The following AURKAIP1 variants were observed in gnomAD, a reference collection of about 807,000 sequenced individuals.
AURKAIP1 encodes small ribosomal subunit protein bS22, mitochondrial.
Under a neutral mutation model 18.4 loss-of-function variants are expected in AURKAIP1, and 20 were observed. The observed-to-expected ratio is 1.09, with a 90% confidence interval of 0.77 to 1.58. AURKAIP1 has a LOEUF of 1.58. AURKAIP1 is among the 40% of genes most tolerant of loss of function. AURKAIP1 has a pLI of 0.00. For synonymous variants in AURKAIP1, 156 were observed against 120.8 expected (o/e 1.29, Z -1.91); for missense variants, 319 against 270.7 (o/e 1.18, Z -1.25).
chr1:1,373,986 A>AGG lies in AURKAIP1; in HGVS notation c.498+12_498+13dup, dbSNP rs558479685. ...GCACTTTGCCCTCCCAGGGCCAAGC[A>AGG]GGGGGCCACTCACCTGCTTGCGTCT... On this transcript the variant is annotated intron_variant, in intron 3 of 3. Coordinates refer to ENST00000338338, the MANE Select transcript of AURKAIP1 (RefSeq NM_017900.3). The AGG allele has an allele frequency of 1.9e-4, 298 of 1,608,656 alleles. 1 individual carries two copies. The African/African-American group carries it at 3.4e-3, about 18-fold the overall frequency.
At position 1,374,350 on chromosome 1, in the gene AURKAIP1, A is replaced by G; in HGVS notation, c.148T>C (p.Ser50Pro). 6.5e-7 allele frequency: 1 copy of G among 1,546,248 alleles called. No homozygotes were observed. The highest frequency in any genetic ancestry group is 1.7e-4 in the Middle Eastern group (1 of 5,758). Residue 50 changes from serine to proline, a missense_variant, in exon 3 of 4, where the codon TCT (serine) becomes CCT (proline). Transcript: ENST00000338338. ...AGCTGGGCCCCCTTGCGAGGGAGAG[A>G]GGCCGCCCTACCTGGGCCGGCCGGC... ...TSPAGPGRAA[S>P]LPRKGAQLEL...
rs369497562 is a variant in AURKAIP1 at position 1,374,231 on chromosome 1, G to A, written c.267C>T (p.Thr89=). 13 of 1,612,464 alleles carry A rather than the reference G, an allele frequency of 8.1e-6. No homozygotes were observed. Among genetic ancestry groups the A allele is most frequent in the East Asian group, 6.7e-5 (3 of 44,890 alleles). Residue 89 remains threonine, a synonymous_variant, in exon 3 of 4, where the codon ACC becomes ACT. Coordinates refer to ENST00000338338, the MANE Select transcript of AURKAIP1 (RefSeq NM_017900.3). Reference sequence around the variant, plus strand: ...GTGGAGCCACAGTCCCTGCGGTCCCGGTATCCAGTCTGGGCAGGAAGCAGC... The same window carrying A: ...GTGGAGCCACAGTCCCTGCGGTCCCAGTATCCAGTCTGGGCAGGAAGCAGC... ...TARCFLPRLD[T]GTAGTVAPPQ... is the part of the protein sequence containing the mutation.
In AURKAIP1 at chr1:1,374,007, C is replaced by T. The variant is rs754648090; in HGVS notation, c.491G>A (p.Arg164His). ...AAGCAGGGGGCCACTCACCTGCTTG[C>T]GTCTCAGGCGTCCCTCCTGGACCTT... is the stretch of plus-strand genomic sequence containing the variant. ...RRKVQEGRLRRKQIKFEKDLR... is the reference protein window; with the variant it reads ...RRKVQEGRLRHKQIKFEKDLR... Residue 164 changes from arginine to histidine, a missense_variant, in exon 3 of 4, where the codon CGC becomes CAC. Coordinates refer to ENST00000338338, the MANE Select transcript of AURKAIP1 (RefSeq NM_017900.3). The T allele has an allele frequency of 3.1e-6, 5 of 1,607,754 alleles. No homozygotes were observed. Among genetic ancestry groups the T allele is most frequent in the Non-Finnish European group, 4.2e-6 (5 of 1,178,840 alleles).
At position 1,374,331 on chromosome 1, in the gene AURKAIP1, G is replaced by A. The variant is rs770430238; in HGVS notation, c.167C>T (p.Ala56Val). Residue 56 changes from alanine (A) to valine (V), a missense_variant, in exon 3 of 4, where the codon GCC (alanine) becomes GTC (valine). Transcript: ENST00000338338. ...CAGCATCTCCTCCAGCTCCAGCTGG[G>A]CCCCCTTGCGAGGGAGAGAGGCCGC... is the stretch of plus-strand genomic sequence containing the variant. ...GRAASLPRKG[A>V]QLELEEMLVP... The A allele has an allele frequency of 2.0e-5, 31 of 1,567,924 alleles. No individual in the cohort carries two copies. The South Asian group carries it at 2.9e-4, about 14-fold the overall frequency.
Position 1,374,316 on chromosome 1 carries a change from T to C in AURKAIP1, c.182A>G (p.Glu61Gly). The C allele has an allele frequency of 1.9e-6, 3 of 1,578,542 alleles. No homozygotes were observed. The highest frequency in any genetic ancestry group is 2.6e-6 in the Non-Finnish European group (3 of 1,164,072). ...CATCTTCCTGGGGACCAGCATCTCC[T>C]CCAGCTCCAGCTGGGCCCCCTTGCG... The part of the protein sequence containing the change: ...LPRKGAQLEL[E>G]EMLVPRKMSV... Residue 61 changes from glutamate to glycine, a missense_variant, in exon 3 of 4, where the codon GAG becomes GGG. Physicochemically the swap from Glu to Gly is moderately conservative, Grantham distance 98. Coordinates refer to ENST00000338338, the MANE Select transcript of AURKAIP1 (RefSeq NM_017900.3).
chr1:1,373,744 CTG>C lies in AURKAIP1; in HGVS notation c.*55_*56del. ...AGACCCGCAGGAAAGGCTGAGTCCT[CTG>C]AGAATTTATTACTACGGATCACAGC... On this transcript the variant is annotated 3_prime_UTR_variant, in exon 4 of 4. Coordinates refer to ENST00000338338, the MANE Select transcript of AURKAIP1 (RefSeq NM_017900.3). 6.7e-7 allele frequency: 1 copy of C among 1,495,464 alleles called. No individual in the cohort carries two copies. Among genetic ancestry groups the C allele is most frequent in the Non-Finnish European group, 9.1e-7 (1 of 1,103,434 alleles). 92.6% of individuals were successfully genotyped at this position (1,495,464 alleles called of 1,614,324 possible). A position where few individuals can be genotyped will look rare whatever the true frequency, so the allele number is the denominator to read the frequency against.
chr1:1,374,583 A>C, intron 2 of AURKAIP1, 122 bp downstream of exon 2: 2 of 1,387,296 alleles, frequency 1.4e-6, no homozygotes, highest in South Asian at 1.3e-5. Flanking sequence ...CTCTGTGAGC[A>C]TCGGAAGCTT....
chr1:1,374,709 C>A lies in AURKAIP1; in HGVS notation c.48G>T (p.Trp16Cys). 1 of 1,559,884 alleles carries A rather than the reference C, an allele frequency of 6.4e-7. No homozygotes were observed. The highest frequency in any genetic ancestry group is 8.7e-7 in the Non-Finnish European group (1 of 1,152,024). ...LTSQLLRAVPWAGGRPPWPVS... is the reference protein window; with the variant it reads ...LTSQLLRAVPCAGGRPPWPVS... ...CGCCCCCGCGCGGCTTCCTACCTGC[C>A]CAAGGAACGGCCCTCAACAGCTGGG... The change falls in exon 2 of 4, where the codon TGG (tryptophan) becomes TGT (cysteine). Residue 16 changes from tryptophan (W) to cysteine (C), a missense_variant. Coordinates refer to ENST00000338338, the MANE Select transcript of AURKAIP1 (RefSeq NM_017900.3).
Position 1,374,111 on chromosome 1 carries a change from G to T in AURKAIP1, c.387C>A (p.Asn129Lys), listed in dbSNP as rs545672313. 1 of 1,613,194 alleles carries T rather than the reference G, an allele frequency of 6.2e-7. No individual in the cohort carries two copies. The highest frequency in any genetic ancestry group is 1.7e-5 in the Admixed American group (1 of 59,962). Residue 129 changes from asparagine (N) to lysine (K), a missense_variant, in exon 3 of 4, where the codon AAC becomes AAA. Physicochemically the swap from Asn to Lys is moderately conservative, Grantham distance 94. Transcript: ENST00000338338. The part of the protein sequence containing the change: ...VADAPQIQCK[N>K]VLKIRRRKMN... ...TCTTCCGCCGGCGGATCTTCAGCAC[G>T]TTTTTGCACTGAATTTGAGGCGCAT...
Position 1,374,358 on chromosome 1 carries a change from C to G in AURKAIP1, c.140G>C (p.Arg47Thr), listed in dbSNP as rs1418928368. 1 of 1,531,078 alleles carries G rather than the reference C, an allele frequency of 6.5e-7. No homozygotes were observed. The highest frequency in any genetic ancestry group is 1.2e-5 in the South Asian group (1 of 81,276). The allele number at this position is 1,531,078 out of a possible 1,614,324, so 94.8% of individuals were successfully genotyped here. A position where few individuals can be genotyped will look rare whatever the true frequency, so the allele number is the denominator to read the frequency against. Residue 47 changes from arginine (R) to threonine (T), a missense_variant, in exon 3 of 4, where the codon AGG becomes ACG. Coordinates refer to ENST00000338338, the MANE Select transcript of AURKAIP1 (RefSeq NM_017900.3). ...CCCCTTGCGAGGGAGAGAGGCCGCC[C>G]TACCTGGGCCGGCCGGCGATGTGCT... is the stretch of plus-strand genomic sequence containing the variant. ...LYSTSPAGPG[R>T]AASLPRKGAQ...
In AURKAIP1 at chr1:1,375,183, G is replaced by T. The variant is rs1330887765; in HGVS notation, c.-64C>A. 4 of 164,784 alleles carry T rather than the reference G, an allele frequency of 2.4e-5. No homozygotes were observed. Among genetic ancestry groups the T allele is most frequent in the Non-Finnish European group, 5.3e-5 (4 of 75,562 alleles). The allele number at this position is 164,784 out of a possible 1,614,324, so 10.2% of individuals were successfully genotyped here. ...ACGCGGCTCAAATTGACCGTTCTGC[G>T]GCCGCCCTCGGGCACTTCCGGTCCG... On this transcript the variant is annotated 5_prime_UTR_variant, in exon 1 of 4. Coordinates refer to ENST00000338338, the MANE Select transcript of AURKAIP1 (RefSeq NM_017900.3).
Position 1,373,981 on chromosome 1 carries a change from C to A in AURKAIP1, c.498+19G>T. On this transcript the variant is annotated intron_variant, in intron 3 of 3. Coordinates refer to ENST00000338338, the MANE Select transcript of AURKAIP1 (RefSeq NM_017900.3). The stretch of plus-strand genomic sequence containing the variant: ...TCTCAGCACTTTGCCCTCCCAGGGC[C>A]AAGCAGGGGGCCACTCACCTGCTTG... 1 of 1,608,602 alleles carries A rather than the reference C, an allele frequency of 6.2e-7. No individual in the cohort carries two copies. Among genetic ancestry groups the A allele is most frequent in the Non-Finnish European group, 8.5e-7 (1 of 1,179,848 alleles).
Position 1,373,877 on chromosome 1 carries a change from C to T in AURKAIP1, c.524G>A (p.Arg175His), listed in dbSNP as rs370496606. ...CTTTAGCCCCGCCTTCAGCCAGATG[C>T]GCCTCAGGTCTTTCTCGAACTTGAT... ...KQIKFEKDLR[R>H]IWLKAGLKEA... The change falls in exon 4 of 4, where the codon CGC (arginine) becomes CAC (histidine). Residue 175 changes from arginine to histidine, a missense_variant. Arg to His is a conservative substitution (Grantham distance 29). Transcript: ENST00000338338. The T allele has an allele frequency of 1.9e-6, 3 of 1,608,148 alleles. No individual in the cohort carries two copies. Among genetic ancestry groups the T allele is most frequent in the African/African-American group, 1.3e-5 (1 of 74,944 alleles).
chr1:1,373,845 G>T lies in AURKAIP1; in HGVS notation c.556C>A (p.Pro186Thr). The T allele has an allele frequency of 6.2e-7, 1 of 1,602,266 alleles. No homozygotes were observed. Residue 186 changes from proline (P) to threonine (T), a missense_variant, in exon 4 of 4, where the codon CCC becomes ACC. Physicochemically the swap from Pro to Thr is conservative, Grantham distance 38. Transcript: ENST00000338338. ...ATCTTGGGGGTCTGCCAGCCTTCGG[G>T]GGCTTCCTTTAGCCCCGCCTTCAGC... ...IWLKAGLKEAPEGWQTPKIYL... is the reference protein window; with the variant it reads ...IWLKAGLKEATEGWQTPKIYL...
rs1644337117 is a variant in AURKAIP1 at position 1,375,157 on chromosome 1, G to A, written c.-38C>T. The A allele has an allele frequency of 5.7e-6, 1 of 176,418 alleles. No individual in the cohort carries two copies. Among genetic ancestry groups the A allele is most frequent in the Non-Finnish European group, 1.2e-5 (1 of 82,796 alleles). 10.9% of individuals were successfully genotyped at this position (176,418 alleles called of 1,614,324 possible). ...GCTGACCCTTCCCAAGCCCGACCTC[G>A]ACGCGGCTCAAATTGACCGTTCTGC... On this transcript the variant is annotated 5_prime_UTR_variant, in exon 1 of 4. Transcript: ENST00000338338.
chr1:1,374,148 T>C lies in AURKAIP1; in HGVS notation c.350A>G (p.Glu117Gly). The C allele has an allele frequency of 6.2e-7, 1 of 1,613,976 alleles. No homozygotes were observed. Among genetic ancestry groups the C allele is most frequent in the Non-Finnish European group, 8.5e-7 (1 of 1,180,022 alleles). Residue 117 changes from glutamate (E) to glycine (G), a missense_variant, in exon 3 of 4, where the codon GAA becomes GGA. Physicochemically the swap from Glu to Gly is moderately conservative, Grantham distance 98 (BLOSUM62 -2). Transcript: ENST00000338338. ...AATTTGAGGCGCATCCGCGACGCCT[T>C]CATCCCCCTGCTCGGCCCCTTCCCC... is the stretch of plus-strand genomic sequence containing the variant. ...QIGEGAEQGD[E>G]GVADAPQIQC...
chr1:1,373,863 C>A lies in AURKAIP1; in HGVS notation c.538G>T (p.Ala180Ser). ...EKDLRRIWLK[A>S]GLKEAPEGWQ... Reference sequence around the variant, plus strand: ...CCTTCGGGGGCTTCCTTTAGCCCCGCCTTCAGCCAGATGCGCCTCAGGTCT... The same window carrying A: ...CCTTCGGGGGCTTCCTTTAGCCCCGACTTCAGCCAGATGCGCCTCAGGTCT... Residue 180 changes from alanine to serine, a missense_variant, in exon 4 of 4, where the codon GCG becomes TCG. Coordinates refer to ENST00000338338, the MANE Select transcript of AURKAIP1 (RefSeq NM_017900.3). 6.2e-7 allele frequency: 1 copy of A among 1,607,394 alleles called. No homozygotes were observed. Among genetic ancestry groups the A allele is most frequent in the Non-Finnish European group, 8.5e-7 (1 of 1,179,978 alleles).
At chr1:1,375,019 G>T (rs1468049373) in intron 1 of AURKAIP1, 135 bp downstream of exon 1, 1 of 419,768 alleles carries the variant, frequency 2.4e-6, no homozygotes, top group African/African-American at 2.1e-5. Flanking sequence ...GAACGGGGAG[G>T]CCGGCCCCCT....
In AURKAIP1 at chr1:1,374,394, C is replaced by T. The variant is rs1029736968; in HGVS notation, c.104G>A (p.Gly35Glu). 2.0e-6 allele frequency: 3 copies of T among 1,477,062 alleles called. No homozygotes were observed. The highest frequency in any genetic ancestry group is 2.5e-5 in the Admixed American group (1 of 39,874). The allele number at this position is 1,477,062 out of a possible 1,614,324, so 91.5% of individuals were successfully genotyped here. A position where few individuals can be genotyped will look rare whatever the true frequency, so the allele number is the denominator to read the frequency against. ...GGCCGGCGATGTGCTGTAAAGGGGC[C>T]CGCAGACCCGGCTGCCCAGCACTCC... Reference protein sequence around the residue: ...VSGVLGSRVCGPLYSTSPAGP... With the variant: ...VSGVLGSRVCEPLYSTSPAGP... The change falls in exon 3 of 4, where the codon GGG becomes GAG. Residue 35 changes from glycine (G) to glutamate (E), a missense_variant. Coordinates refer to ENST00000338338, the MANE Select transcript of AURKAIP1 (RefSeq NM_017900.3).
Sources: gnomAD v4.1 joint callset for allele counts on GRCh38, gnomAD v4.1.1 for gene constraint, MANE v1.5 for transcripts, NCBI Gene and HGNC (gene_info 2026-07-23, HGNC 2026-07-21) for gene names.